ADCY2: variants seen among roughly 807,000 people sequenced by gnomAD.
ADCY2 encodes the protein adenylate cyclase 2.
Under a neutral mutation model 125.2 loss-of-function variants are expected in ADCY2, and 31 were observed. The ratio of observed to expected loss-of-function variants is 0.25; its 90% CI spans 0.19 to 0.33. The LOEUF (loss-of-function observed/expected upper bound fraction) is 0.33, where lower values mean the gene tolerates loss of function less well. Among genes scored for constraint, ADCY2 ranks in the 10% least tolerant of loss-of-function variants. The probability of loss-of-function intolerance (pLI) is 1.00; values close to 1 mark genes in which losing one functional copy is unlikely to be tolerated. For missense variants in ADCY2, 904 were observed against 1,418.2 expected (o/e 0.64, Z 5.82); for synonymous variants, 512 against 548.4 (o/e 0.93, Z 0.93).
intron 2 of ADCY2, among the ~76,000 whole-genome samples, chr5:7,430,601 A>G (rs1419523320): frequency 6.8e-6 from 1 of 146,568 alleles, no homozygotes; most frequent in Non-Finnish European, 1.5e-5. Context: ...AACATGAACA[A>G]ATGTAGTTTA....
In ADCY2 at chr5:7,755,361, G is replaced by C. The variant is rs190502826; in HGVS notation, c.1957-2088G>C. 7.9e-5 allele frequency among the ~76,000 whole-genome samples: 12 copies of C among 151,892 alleles called. No homozygotes were observed. The East Asian group carries it at 2.1e-3, about 27-fold the overall frequency. ...TCTCCCTCAGGGGGGCATGTGCGCT[G>C]TACACAAACATTGTTCATCTTTTCC... On this transcript the variant is annotated intron_variant, in intron 15 of 24. Coordinates refer to ENST00000338316, the MANE Select transcript of ADCY2 (RefSeq NM_020546.3).
chr5:7,669,052 G>A (rs964036917), intron 4 of ADCY2, among the ~76,000 whole-genome samples: 5 of 152,176 alleles, frequency 3.3e-5, no homozygotes, highest in African/African-American at 1.2e-4. Flanking sequence ...GCCTGATGGT[G>A]GGAAGCAGTG....
intron 4 of ADCY2, among the ~76,000 whole-genome samples, chr5:7,660,191 T>G (rs574604364): frequency 2.0e-5 from 2 of 100,406 alleles, no homozygotes; most frequent in South Asian, 3.1e-4. Flanking sequence ...AAAATAAAAG[T>G]GGAAAAGAAA....
At chr5:7,602,931 A>G (rs1737264808) in intron 3 of ADCY2, among the ~76,000 whole-genome samples, 1 of 152,180 alleles carries the variant, frequency 6.6e-6, no homozygotes. Context: ...CATAAAAGGA[A>G]GTCCAGACAT....
intron 14 of ADCY2, among the ~76,000 whole-genome samples, chr5:7,734,552 C>T (rs1235577446): frequency 6.6e-6 from 1 of 152,140 alleles, no homozygotes; most frequent in Non-Finnish European, 1.5e-5. Flanking sequence ...TCAGTAAGTA[C>T]ATAATAAGTT....
At chr5:7,715,554 CT>C (rs11310324) in intron 11 of ADCY2, among the ~76,000 whole-genome samples, 68,642 of 144,942 alleles carry the variant, frequency 0.47, 16,478 homozygotes, top group East Asian at 0.95. Context: ...GGATTCCTTG[CT>C]TTTTTTTTTT....
chr5:7,430,830 T>C (rs566812646), intron 2 of ADCY2, among the ~76,000 whole-genome samples: 6 of 152,188 alleles, frequency 3.9e-5, no homozygotes, highest in Admixed American at 2.0e-4. Context: ...TGAATAGATA[T>C]GTGCAATTTC....
intron 20 of ADCY2, among the ~76,000 whole-genome samples, chr5:7,791,306 C>T (rs1030468051): frequency 2.0e-5 from 3 of 151,898 alleles, no homozygotes; most frequent in Non-Finnish European, 4.4e-5. Flanking sequence ...GGAGTGCATG[C>T]GCAAAAGAGG....
chr5:7,583,043 A>G (rs12519539), intron 3 of ADCY2, among the ~76,000 whole-genome samples: 22,556 of 152,136 alleles, frequency 0.15, 2,143 homozygotes, highest in Non-Finnish European at 0.21. Flanking sequence ...GTTGTGTTTT[A>G]TATACTGGTA....
intron 2 of ADCY2, among the ~76,000 whole-genome samples, chr5:7,503,030 T>C (rs1743653562): frequency 6.6e-6 from 1 of 152,200 alleles, no homozygotes; most frequent in African/African-American, 2.4e-5. Context: ...GTCTGGTGCC[T>C]ACTGCAGCCC....
At chr5:7,700,639 C>T (rs1031931797) in intron 7 of ADCY2, among the ~76,000 whole-genome samples, 3 of 150,556 alleles carry the variant, frequency 2.0e-5, no homozygotes, top group Admixed American at 1.3e-4. Context: ...TATGCTGAAG[C>T]GACTAAAATA....
chr5:7,593,295 T>C (rs1736907215), intron 3 of ADCY2, among the ~76,000 whole-genome samples: 1 of 152,184 alleles, frequency 6.6e-6, no homozygotes, highest in Admixed American at 6.5e-5. Context: ...AGTACCTCTA[T>C]ATTATTTCAG....
intron 2 of ADCY2, among the ~76,000 whole-genome samples, chr5:7,425,086 C>T (rs1254414709): frequency 6.6e-6 from 1 of 152,142 alleles, no homozygotes; most frequent in Non-Finnish European, 1.5e-5. Flanking sequence ...CCCAGTGCTG[C>T]TCACTGTCTC....
At chr5:7,444,831 A>G (rs1186168704) in intron 2 of ADCY2, among the ~76,000 whole-genome samples, 7 of 152,118 alleles carry the variant, frequency 4.6e-5, no homozygotes, top group Non-Finnish European at 1.0e-4. Flanking sequence ...CCCAAGGCAG[A>G]TTTGATTTGC....
chr5:7,823,866 A>T (rs1175189272), intron 24 of ADCY2, among the ~76,000 whole-genome samples: 1 of 152,100 alleles, frequency 6.6e-6, no homozygotes, highest in Non-Finnish European at 1.5e-5. Context: ...CAAAGAGGAT[A>T]TTGGGCTTCA....
intron 2 of ADCY2, among the ~76,000 whole-genome samples, chr5:7,488,396 A>C (rs934387936): frequency 6.6e-6 from 1 of 152,122 alleles, no homozygotes; most frequent in Non-Finnish European, 1.5e-5. Flanking sequence ...CATCTTGACT[A>C]ATACATCTTG....
intron 1 of ADCY2, among the ~76,000 whole-genome samples, chr5:7,397,155 G>A (rs1255639164): frequency 6.6e-6 from 1 of 152,176 alleles, no homozygotes; most frequent in African/African-American, 2.4e-5. Context: ...CGTTTGGGAC[G>A]GACGATTGCT....
chr5:7,805,528 A>AG (rs1169784408), intron 22 of ADCY2, among the ~76,000 whole-genome samples: 16 of 152,292 alleles, frequency 1.1e-4, no homozygotes, highest in African/African-American at 3.4e-4. Context: ...TTAGTAAAAA[A>AG]GACCTCCTTT....
intron 15 of ADCY2, among the ~76,000 whole-genome samples, chr5:7,756,041 G>T (rs975328417): frequency 6.6e-6 from 1 of 152,182 alleles, no homozygotes; most frequent in Non-Finnish European, 1.5e-5. Context: ...ACCTTGTTTT[G>T]TTTCCAAGAC....
Sources: allele counts gnomAD v4.1 joint callset (sites outside exome capture counted in the v4.1 genomes callset), GRCh38; gene constraint gnomAD v4.1.1; transcripts MANE v1.5; gene names NCBI Gene and HGNC (gene_info 2026-07-23, HGNC 2026-07-21).